MAP2K5: variants seen among roughly 807,000 people sequenced by gnomAD.
MAP2K5 encodes mitogen-activated protein kinase kinase 5, also known as dual specificity mitogen-activated protein kinase kinase 5.
Under a neutral mutation model 83.1 loss-of-function variants are expected in MAP2K5, and 49 were observed. The ratio of observed to expected loss-of-function variants is 0.59; its 90% CI spans 0.47 to 0.75. The LOEUF (loss-of-function observed/expected upper bound fraction) is 0.75, where lower values mean the gene tolerates loss of function less well. Among genes scored for constraint, MAP2K5 ranks in the 30% least tolerant of loss-of-function variants. The pLI is 0.00. For synonymous variants in MAP2K5, 202 were observed against 191.8 expected (o/e 1.05, Z -0.44); for missense variants, 457 against 557.5 (o/e 0.82, Z 1.82).
chr15:67,556,768 G>A (rs2084635772), intron 2 of MAP2K5, among the ~76,000 whole-genome samples: 1 of 152,018 alleles, frequency 6.6e-6, no homozygotes, highest in South Asian at 2.1e-4. Flanking sequence ...GGTCAGGCTG[G>A]TCTCGAACTC....
At chr15:67,739,887 A>C (rs1471959849) in intron 17 of MAP2K5, among the ~76,000 whole-genome samples, 1 of 152,184 alleles carries the variant, frequency 6.6e-6, no homozygotes, top group Non-Finnish European at 1.5e-5. Flanking sequence ...CATGGTAAAA[A>C]AATGTTCAGT....
rs2085080411 is a variant in MAP2K5 at position 67,577,030 on chromosome 15, G to T, written c.253-3724G>T. On this transcript the variant is annotated intron_variant, in intron 3 of 21. Transcript: ENST00000178640. This position sits in a 1 kb window ranked among gnomAD's most constrained non-coding sequence, Gnocchi z 4.1. The stretch of plus-strand genomic sequence containing the variant: ...GGCTCACTGCAAGCTCCGCTTCCCG[G>T]GTTCACGCCATTCTCCTGCCTCAGC... Among the ~76,000 whole-genome samples the T allele has an allele frequency of 6.9e-6, 1 of 145,128 alleles. No individual in the cohort carries two copies. The highest frequency in any genetic ancestry group is 1.5e-5 in the Non-Finnish European group (1 of 65,702).
chr15:67,555,430 A>G lies in MAP2K5; in HGVS notation c.184+5348A>G, dbSNP rs147522367. Among the ~76,000 whole-genome samples, 4 of 142,232 alleles carry G rather than the reference A, an allele frequency of 2.8e-5. No homozygotes were observed. In the East Asian group the frequency reaches 6.3e-4, roughly 23 times the overall value. 93.3% of individuals were successfully genotyped at this position (142,232 alleles called of 152,430 possible). On this transcript the variant is annotated intron_variant, in intron 2 of 21. Coordinates refer to ENST00000178640, the MANE Select transcript of MAP2K5 (RefSeq NM_145160.3). The surrounding 1 kb of genome is among the most constrained non-coding windows in gnomAD (Gnocchi z 5.2). ...ACACCTCCTTCCAGGCCCCGCCTGC[A>G]ACATTGGGGATCACTTTGGAGGGGA...
chr15:67,796,638 A>G (rs191125689), intron 21 of MAP2K5, among the ~76,000 whole-genome samples: 7 of 152,348 alleles, frequency 4.6e-5, no homozygotes, highest in Non-Finnish European at 1.0e-4. Context: ...AGTGAGGTCA[A>G]ATATCCAAAC....
rs185662398 is a variant in MAP2K5, at chr15:67,719,916, C to A, written c.1045-8000C>A. Among the ~76,000 whole-genome samples, 17 of 152,222 alleles carry A rather than the reference C, an allele frequency of 1.1e-4. No individual in the cohort carries two copies. The highest frequency in any genetic ancestry group is 2.1e-4 in the Non-Finnish European group (14 of 68,006). On this transcript the variant is annotated intron_variant, in intron 16 of 21. Transcript: ENST00000178640. This position sits in a 1 kb window ranked among gnomAD's most constrained non-coding sequence, Gnocchi z 4.6. Reference sequence around the variant, plus strand: ...GAATTTCCTCTCAGTGCACAGAATACCATGGAAAAAGACCTTTGCCATTGT... The same window carrying A: ...GAATTTCCTCTCAGTGCACAGAATAACATGGAAAAAGACCTTTGCCATTGT...
chr15:67,643,511 A>G (rs530857025), intron 9 of MAP2K5, among the ~76,000 whole-genome samples: 1 of 152,234 alleles, frequency 6.6e-6, no homozygotes, highest in East Asian at 1.9e-4. Context: ...CAGTGGCGTG[A>G]TCTCAGCTCA....
At position 67,752,897 on chromosome 15, in the gene MAP2K5, G is replaced by GA. The variant is rs11314980; in HGVS notation, c.1134+4309dup. ...ACTCAGAATAGCCAAAACAATCATT[G>GA]AAAAAAAAAAAAAGAAAACAATGTT... On this transcript the variant is annotated intron_variant, in intron 19 of 21. Transcript: ENST00000178640. 4.7e-3 allele frequency among the ~76,000 whole-genome samples: 672 copies of GA among 141,778 alleles called. 2 individuals are homozygous for GA. The highest frequency in any genetic ancestry group is 0.017 in the African/African-American group (647 of 38,684). 93.0% of individuals were successfully genotyped at this position (141,778 alleles called of 152,430 possible). A position where few individuals can be genotyped will look rare whatever the true frequency, so the allele number is the denominator to read the frequency against.
intron 16 of MAP2K5, among the ~76,000 whole-genome samples, chr15:67,725,867 A>G (rs995492182): frequency 8.5e-5 from 13 of 152,230 alleles, no homozygotes; most frequent in Admixed American, 4.6e-4. Context: ...TTCAAAATGT[A>G]GGGCAAACCT....
At chr15:67,728,344 A>G (rs910617361) in intron 17 of MAP2K5, among the ~76,000 whole-genome samples, 8 of 152,160 alleles carry the variant, frequency 5.3e-5, no homozygotes, top group Admixed American at 4.6e-4. Context: ...AATCTAGGTC[A>G]TTATTTTTGC....
Position 67,543,563 on chromosome 15 carries a change from C to A in MAP2K5, c.135+93C>A. ...GACCACTGGTGACCTGAGCCAGTGG[C>A]AATGGCTACTGCTGGCTTCCTGTGG... On this transcript the variant is annotated intron_variant, in intron 1 of 21. Transcript: ENST00000178640. The surrounding 1 kb of genome is among the most constrained non-coding windows in gnomAD (Gnocchi z 4.3). The A allele has an allele frequency of 6.9e-7, 1 of 1,443,324 alleles. No individual in the cohort carries two copies. The highest frequency in any genetic ancestry group is 9.6e-7 in the Non-Finnish European group (1 of 1,037,590). 89.4% of individuals were successfully genotyped at this position (1,443,324 alleles called of 1,614,324 possible).
rs1261559591 is a variant in MAP2K5, at chr15:67,637,629, C to G, written c.585+6702C>G. ...ATCATTCATTACTCAGCTGAAGACT[C>G]CAGGACCCCCTCGGCAGACCTCTGG... On this transcript the variant is annotated intron_variant, in intron 9 of 21. Transcript: ENST00000178640. The surrounding 1 kb of genome is among the most constrained non-coding windows in gnomAD (Gnocchi z 4.5). Among the ~76,000 whole-genome samples the G allele has an allele frequency of 1.3e-5, 2 of 152,116 alleles. No homozygotes were observed. Among genetic ancestry groups the G allele is most frequent in the Non-Finnish European group, 2.9e-5 (2 of 68,026 alleles).
intron 6 of MAP2K5, among the ~76,000 whole-genome samples, chr15:67,590,564 G>A (rs925890581): frequency 6.6e-6 from 1 of 151,504 alleles, no homozygotes; most frequent in Non-Finnish European, 1.5e-5. Context: ...CGACCTCCTG[G>A]CCTCAAGTGA....
chr15:67,595,552 C>T (rs186580607), intron 7 of MAP2K5, among the ~76,000 whole-genome samples: 2 of 152,198 alleles, frequency 1.3e-5, no homozygotes, highest in Admixed American at 6.5e-5. Flanking sequence ...TTAACACAGA[C>T]AATAAACAAA....
chr15:67,587,467 C>T lies in MAP2K5; in HGVS notation c.431+554C>T, dbSNP rs150888125. 5.5e-4 allele frequency among the ~76,000 whole-genome samples: 84 copies of T among 152,294 alleles called. No homozygotes were observed. The East Asian group carries it at 0.013, about 23-fold the overall frequency. ...CTGTGGTGTGGCGAATGAGCAGAAG[C>T]TCCCATCTAATCCTGCCCTCCTTTA... is the stretch of plus-strand genomic sequence containing the variant. On this transcript the variant is annotated intron_variant, in intron 6 of 21. Coordinates refer to ENST00000178640, the MANE Select transcript of MAP2K5 (RefSeq NM_145160.3). This position sits in a 1 kb window ranked among gnomAD's most constrained non-coding sequence, Gnocchi z 4.8.
intron 21 of MAP2K5, among the ~76,000 whole-genome samples, chr15:67,791,915 G>A (rs555407789): frequency 6.6e-6 from 1 of 152,292 alleles, no homozygotes; most frequent in South Asian, 2.1e-4. Context: ...CTCACCACCA[G>A]GGAGAATGTC....
chr15:67,699,522 C>A (rs145809931), intron 15 of MAP2K5, among the ~76,000 whole-genome samples: 7 of 152,278 alleles, frequency 4.6e-5, no homozygotes, highest in African/African-American at 1.7e-4. Flanking sequence ...TAGCCTAGCC[C>A]TAGTATAGAT....
rs1382580472 is a variant in MAP2K5, at chr15:67,542,731, C to CGCCGTCGCCGCCGCCGCA, written c.-600_-583dup. On this transcript the variant is annotated 5_prime_UTR_variant, in exon 1 of 22. Transcript: ENST00000178640. ...TTCCTCCTCCTCCTCTCGCCGCTAC[C>CGCCGTCGCCGCCGCCGCA]GCCGTCGCCGCCGCCGCAGCCGCCG... The CGCCGTCGCCGCCGCCGCA allele has an allele frequency of 2.0e-5, 2 of 98,274 alleles. No individual in the cohort carries two copies. The highest frequency in any genetic ancestry group is 5.0e-5 in the Non-Finnish European group (2 of 39,924). 6.1% of individuals were successfully genotyped at this position (98,274 alleles called of 1,614,324 possible). A position where few individuals can be genotyped will look rare whatever the true frequency, so the allele number is the denominator to read the frequency against.
chr15:67,794,194 C>T lies in MAP2K5; in HGVS notation c.1243-12452C>T, dbSNP rs143925949. Among the ~76,000 whole-genome samples the T allele has an allele frequency of 1.4e-4, 22 of 152,298 alleles. No homozygotes were observed. The highest frequency in any genetic ancestry group is 1.3e-4 in the Non-Finnish European group (9 of 68,026). ...TCACACCAGTCACCACCATCAAAAA[C>T]GCATTTCAGGCTTCTGTACATTTAA... On this transcript the variant is annotated intron_variant, in intron 21 of 21. Coordinates refer to ENST00000178640, the MANE Select transcript of MAP2K5 (RefSeq NM_145160.3). This position sits in a 1 kb window ranked among gnomAD's most constrained non-coding sequence, Gnocchi z 4.6.
At chr15:67,773,266 TG>T (rs1368128417) in intron 21 of MAP2K5, among the ~76,000 whole-genome samples, 3 of 152,140 alleles carry the variant, frequency 2.0e-5, no homozygotes, top group African/African-American at 7.2e-5. Context: ...CAGCTTTCTT[TG>T]ATTGCAAATG....
Sources: gnomAD v4.1 joint callset for allele counts (sites outside exome capture counted in the v4.1 genomes callset) on GRCh38, gnomAD v4.1.1 for gene constraint, Gnocchi (gnomAD v3.1) non-coding constraint, MANE v1.5 for transcripts, NCBI Gene and HGNC (gene_info 2026-07-23, HGNC 2026-07-21) for gene names.